The following NMNAT2 variants were observed in gnomAD, a reference collection of about 807,000 sequenced individuals.
The protein encoded by NMNAT2 is nicotinamide nucleotide adenylyltransferase 2, also known as nicotinamide/nicotinic acid mononucleotide adenylyltransferase 2.
A neutral mutation model predicts 41.6 loss-of-function variants in NMNAT2; 11 were observed. The observed-to-expected ratio is 0.26, with a 90% confidence interval of 0.17 to 0.44. NMNAT2 has a LOEUF of 0.44. NMNAT2 is among the 20% of genes least tolerant of loss of function. The pLI, the probability that NMNAT2 is intolerant of heterozygous loss-of-function variation, is 1.00. For synonymous variants in NMNAT2, 148 were observed against 151.2 expected, an observed-to-expected ratio of 0.98 and a Z score of 0.16; for missense variants, 288 against 407.7, an observed-to-expected ratio of 0.71 and a Z score of 2.53.
intron 1 of NMNAT2, among the ~76,000 whole-genome samples, chr1:183,404,979 G>A (rs996269730): frequency 3.3e-5 from 5 of 152,176 alleles, no homozygotes; most frequent in South Asian, 2.1e-4. Flanking sequence ...CCAGCACTTC[G>A]GGAGGACGAG....
intron 1 of NMNAT2, among the ~76,000 whole-genome samples, chr1:183,413,192 T>C (rs895908863): frequency 3.3e-5 from 5 of 152,228 alleles, no homozygotes; most frequent in African/African-American, 1.2e-4. Flanking sequence ...TCGTAATATT[T>C]GCCTTTGCTG....
rs920676838 is a variant in NMNAT2 at position 183,304,837 on chromosome 1, T to A, written c.86-11044A>T. Reference sequence around the variant, plus strand: ...AGCTGCTCCCTCATTGTTGCTGATCTTGTTTGCTCCACTACCTCCAGCTTG... The same window carrying A: ...AGCTGCTCCCTCATTGTTGCTGATCATGTTTGCTCCACTACCTCCAGCTTG... On this transcript the variant is annotated intron_variant, in intron 1 of 10. Transcript: ENST00000287713. 1.4e-5 allele frequency: 22 copies of A among 1,592,764 alleles called. No individual in the cohort carries two copies. In the Admixed American group the frequency reaches 2.7e-4, roughly 20 times the overall value.
chr1:183,255,258 C>G (rs1002308477), intron 10 of NMNAT2, among the ~76,000 whole-genome samples: 1 of 152,162 alleles, frequency 6.6e-6, no homozygotes, highest in Non-Finnish European at 1.5e-5. Context: ...GCTCACTATT[C>G]GGTTCCACTG....
chr1:183,367,777 T>C (rs1441940546), intron 1 of NMNAT2, among the ~76,000 whole-genome samples: 4 of 152,176 alleles, frequency 2.6e-5, no homozygotes, highest in African/African-American at 4.8e-5. Flanking sequence ...ATTGAAAATA[T>C]ACACAAAGAT....
intron 1 of NMNAT2, among the ~76,000 whole-genome samples, chr1:183,370,217 A>AACACACACACAC (rs1169390842): frequency 4.5e-5 from 4 of 89,412 alleles, no homozygotes; most frequent in Non-Finnish European, 6.9e-5. Flanking sequence ...CACTACTATC[A>AACACACACACAC]ACACATACAC....
At chr1:183,255,648 A>AC (rs1303610048) in intron 10 of NMNAT2, among the ~76,000 whole-genome samples, 1 of 139,908 alleles carries the variant, frequency 7.1e-6, no homozygotes, top group African/African-American at 2.9e-5. Context: ...CCTTTGTTAA[A>AC]TTTATTCCTA....
At chr1:183,353,644 A>T (rs990244529) in intron 1 of NMNAT2, among the ~76,000 whole-genome samples, 1 of 152,198 alleles carries the variant, frequency 6.6e-6, no homozygotes, top group Admixed American at 6.5e-5. Flanking sequence ...AAATCATCAC[A>T]AATATCTCCA....
chr1:183,291,764 G>A (rs1210249740), intron 3 of NMNAT2, among the ~76,000 whole-genome samples: 2 of 152,162 alleles, frequency 1.3e-5, no homozygotes, highest in African/African-American at 2.4e-5. Context: ...GCCTACGGGT[G>A]TATCAATGTA....
intron 7 of NMNAT2, among the ~76,000 whole-genome samples, chr1:183,282,608 T>C (rs1661299351): frequency 6.6e-6 from 1 of 152,224 alleles, no homozygotes; most frequent in Admixed American, 6.5e-5. Flanking sequence ...CCAAGGAGAC[T>C]GCGTGGGAAG....
At chr1:183,355,110 C>A (rs1379061272) in intron 1 of NMNAT2, among the ~76,000 whole-genome samples, 1 of 152,184 alleles carries the variant, frequency 6.6e-6, no homozygotes, top group Non-Finnish European at 1.5e-5. Flanking sequence ...TCCCACTCCC[C>A]TTGCCCCTTT....
intron 1 of NMNAT2, among the ~76,000 whole-genome samples, chr1:183,300,098 AG>A (rs1661809195): frequency 6.6e-6 from 1 of 152,120 alleles, no homozygotes; most frequent in Admixed American, 6.6e-5. Flanking sequence ...CCTCCTTGTG[AG>A]GACACATAGA....
intron 1 of NMNAT2, among the ~76,000 whole-genome samples, chr1:183,381,856 A>G (rs1663809205): frequency 6.6e-6 from 1 of 152,246 alleles, no homozygotes; most frequent in Admixed American, 6.5e-5. Flanking sequence ...TACTCATTTA[A>G]CAGATGAGAA....
At chr1:183,316,170 G>A (rs1369387919) in intron 1 of NMNAT2, among the ~76,000 whole-genome samples, 1 of 152,144 alleles carries the variant, frequency 6.6e-6, no homozygotes, top group East Asian at 1.9e-4. Flanking sequence ...CAGGCCCAGA[G>A]TCCCCACTGA....
chr1:183,316,572 C>T (rs1245726063), intron 1 of NMNAT2, among the ~76,000 whole-genome samples: 1 of 152,162 alleles, frequency 6.6e-6, no homozygotes, highest in African/African-American at 2.4e-5. Flanking sequence ...GCTCGCCAGC[C>T]CCCCACCAGG....
intron 1 of NMNAT2, among the ~76,000 whole-genome samples, chr1:183,380,050 A>G (rs944045680): frequency 2.0e-5 from 3 of 152,208 alleles, no homozygotes; most frequent in African/African-American, 4.8e-5. Context: ...ACAATTCCCT[A>G]TTGGGTTTAC....
At chr1:183,384,835 A>T (rs570356036) in intron 1 of NMNAT2, among the ~76,000 whole-genome samples, 6 of 152,292 alleles carry the variant, frequency 3.9e-5, no homozygotes, top group African/African-American at 1.2e-4. Flanking sequence ...AGCAGTCACT[A>T]GTATAACTGA....
intron 1 of NMNAT2, among the ~76,000 whole-genome samples, chr1:183,351,021 A>G (rs1663035492): frequency 6.6e-6 from 1 of 152,224 alleles, no homozygotes; most frequent in Non-Finnish European, 1.5e-5. Context: ...GAGGTCCCAG[A>G]GAACTGTGTC....
At chr1:183,335,286 C>A (rs1005184215) in intron 1 of NMNAT2, among the ~76,000 whole-genome samples, 9 of 152,212 alleles carry the variant, frequency 5.9e-5, no homozygotes, top group Non-Finnish European at 7.3e-5. Context: ...CTGGTAGAAA[C>A]AACATGGTCT....
intron 1 of NMNAT2, among the ~76,000 whole-genome samples, chr1:183,320,319 C>G (rs1662332924): frequency 6.6e-6 from 1 of 152,150 alleles, no homozygotes; most frequent in African/African-American, 2.4e-5. Context: ...ATTAAAATTT[C>G]TGGCCAGGCA....
Sources: gnomAD v4.1 joint callset for allele counts (sites outside exome capture counted in the v4.1 genomes callset) on GRCh38, gnomAD v4.1.1 for gene constraint, MANE v1.5 for transcripts, NCBI Gene and HGNC (gene_info 2026-07-23, HGNC 2026-07-21) for gene names.